SCOC: variants seen among roughly 807,000 people sequenced by gnomAD.
The protein encoded by SCOC is short coiled-coil protein, also known as short coiled coil protein.
SCOC carries 7 observed loss-of-function variants against 9.9 expected under a neutral mutation model. The ratio of observed to expected loss-of-function variants is 0.71; its 90% CI spans 0.40 to 1.33. The LOEUF (loss-of-function observed/expected upper bound fraction) is 1.33. Among genes scored for constraint, SCOC ranks in the 40% most tolerant of loss-of-function variants. The pLI is 0.01. For missense variants in SCOC, 66 were observed against 89.7 expected, an observed-to-expected ratio of 0.74 and a Z score of 1.07; for synonymous variants, 19 against 28.2, an observed-to-expected ratio of 0.67 and a Z score of 1.03.
At chr4:140,373,182 G>T (rs1343553385), upstream of SCOC, 1 of 684,658 alleles carries the variant, frequency 1.5e-6, no homozygotes, top group Non-Finnish European at 1.9e-6. Flanking sequence ...AAGGAACGAC[G>T]GTGTCGCGTT....
chr4:140,356,620 C>T (rs896493246), intron 2 of SCOC, among the ~76,000 whole-genome samples: 3 of 152,052 alleles, frequency 2.0e-5, no homozygotes, highest in Non-Finnish European at 4.4e-5. Flanking sequence ...CTGATGTTTC[C>T]TCATGATCAA....
chr4:140,377,557 A>AT (rs1431121885), intron 1 of SCOC, among the ~76,000 whole-genome samples: 1 of 152,126 alleles, frequency 6.6e-6, no homozygotes, highest in Non-Finnish European at 1.5e-5. Context: ...GATATTTCAT[A>AT]TTTTTTTCTA....
chr4:140,262,123 T>C (rs1172920976), intron 1 of SCOC, among the ~76,000 whole-genome samples: 1 of 152,244 alleles, frequency 6.6e-6, no homozygotes, highest in Non-Finnish European at 1.5e-5. Context: ...CTGCCTTTTC[T>C]TGGGTGATGG....
At chr4:140,363,340 G>C (rs1727654154) in intron 2 of SCOC, among the ~76,000 whole-genome samples, 1 of 152,138 alleles carries the variant, frequency 6.6e-6, no homozygotes, top group Non-Finnish European at 1.5e-5. Context: ...GAGTCCACTT[G>C]TATGCATTTT....
intron 1 of SCOC, among the ~76,000 whole-genome samples, chr4:140,333,998 G>T (rs1461179615): frequency 6.6e-6 from 1 of 152,056 alleles, no homozygotes; most frequent in Non-Finnish European, 1.5e-5. Context: ...GCTCACTGCA[G>T]CCTTGAACTC....
chr4:140,374,268 TTTTGGGAAGAAAGG>T (rs1299964180), intron 1 of SCOC: 7 of 424,914 alleles, frequency 1.6e-5, no homozygotes, highest in Non-Finnish European at 3.3e-5. Context: ...GCTGAACAAG[TTTTGGGAAGAAAGG>T]TTTGGAAAGG....
intron 1 of SCOC, among the ~76,000 whole-genome samples, chr4:140,310,923 T>C (rs980014278): frequency 1.3e-5 from 2 of 152,238 alleles, no homozygotes; most frequent in African/African-American, 4.8e-5. Flanking sequence ...ATGCAGATGA[T>C]GCAGCTGTTT....
chr4:140,373,988 CGT>C (rs1439309184), intron 1 of SCOC: 1 of 635,252 alleles, frequency 1.6e-6, no homozygotes. Context: ...ACGCAGACAT[CGT>C]GTAGCTTTCT....
chr4:140,314,807 C>T (rs1732263953), intron 1 of SCOC, among the ~76,000 whole-genome samples: 1 of 152,086 alleles, frequency 6.6e-6, no homozygotes, highest in Non-Finnish European at 1.5e-5. Flanking sequence ...AATGAGATGT[C>T]CAGGGCCAGG....
upstream of SCOC, among the ~76,000 whole-genome samples, chr4:140,371,515 T>A (rs1728053538): frequency 6.6e-6 from 1 of 152,192 alleles, no homozygotes; most frequent in South Asian, 2.1e-4. Flanking sequence ...TAACTTGTGT[T>A]TTCTATATCC....
rs191519718 is a variant in SCOC at position 140,271,892 on chromosome 4, G to A, written c.-19+14482G>A. On this transcript the variant is annotated intron_variant, in intron 1 of 4. Coordinates refer to the SCOC transcript ENST00000394205. Reference sequence around the variant, plus strand: ...GCACACTAGAGAGAGCAGAGGAGGCGTCTGTGCAGCCCAGCCTTGGAAAGG... The same window carrying A: ...GCACACTAGAGAGAGCAGAGGAGGCATCTGTGCAGCCCAGCCTTGGAAAGG... Among the ~76,000 whole-genome samples the A allele has an allele frequency of 1.3e-3, 193 of 152,196 alleles. 1 individual carries two copies. The highest frequency in any genetic ancestry group is 3.7e-3 in the African/African-American group (155 of 41,532).
At chr4:140,285,962 A>C (rs970760198) in intron 1 of SCOC, among the ~76,000 whole-genome samples, 1 of 152,120 alleles carries the variant, frequency 6.6e-6, no homozygotes, top group Non-Finnish European at 1.5e-5. Flanking sequence ...AGGCAGGTAC[A>C]TCACCTGAGG....
intron 1 of SCOC, among the ~76,000 whole-genome samples, chr4:140,375,001 T>C (rs1213880314): frequency 6.6e-6 from 1 of 152,202 alleles, no homozygotes; most frequent in Non-Finnish European, 1.5e-5. Flanking sequence ...GATGGTGAAA[T>C]CAATTTTAGA....
intron 1 of SCOC, among the ~76,000 whole-genome samples, chr4:140,288,808 G>A (rs1244174259): frequency 2.0e-5 from 3 of 151,844 alleles, no homozygotes; most frequent in East Asian, 1.9e-4. Flanking sequence ...CACAGTACAC[G>A]TAAATACCCA....
At chr4:140,330,512 G>A (rs1354258112) in intron 1 of SCOC, among the ~76,000 whole-genome samples, 3 of 152,152 alleles carry the variant, frequency 2.0e-5, no homozygotes, top group Admixed American at 1.3e-4. Context: ...ATCCACCAGA[G>A]GGAGCCAACA....
rs1158342003 is a variant in SCOC at position 140,381,710 on chromosome 4, TTTAA to T, written c.*613_*616del. ...GTTAAGATAGGAATGCTAGTGTCTCTTTAATTAATTGGAAATAGATGGAGGCTAA... is the reference window on the plus strand; with the variant it reads ...GTTAAGATAGGAATGCTAGTGTCTCTTTAATTGGAAATAGATGGAGGCTAA... On this transcript the variant is annotated 3_prime_UTR_variant, in exon 4 of 4. Coordinates refer to ENST00000608372, the MANE Select transcript of SCOC (RefSeq NM_001153484.2). The T allele has an allele frequency of 6.6e-6, 1 of 152,246 alleles. No individual in the cohort carries two copies. The highest frequency in any genetic ancestry group is 2.4e-5 in the African/African-American group (1 of 41,470). The allele number at this position is 152,246 out of a possible 1,614,324, so 9.4% of individuals were successfully genotyped here. A position where few individuals can be genotyped will look rare whatever the true frequency, so the allele number is the denominator to read the frequency against.
At chr4:140,374,622 C>T (rs115925886) in intron 1 of SCOC, among the ~76,000 whole-genome samples, 2,003 of 152,230 alleles carry the variant, frequency 0.013, 45 homozygotes, top group African/African-American at 0.046. Context: ...ATTGAAGTTC[C>T]GTAGCTTGAA....
intron 1 of SCOC, chr4:140,285,111 T>C: frequency 2.2e-6 from 1 of 450,478 alleles, no homozygotes; most frequent in Non-Finnish European, 4.5e-6. Flanking sequence ...GCTTAGAGAA[T>C]CGAGGCAAAC....
At chr4:140,349,685 A>C (rs1013693256) in intron 2 of SCOC, among the ~76,000 whole-genome samples, 10 of 152,130 alleles carry the variant, frequency 6.6e-5, no homozygotes, top group Admixed American at 3.9e-4. Context: ...CTGATCAATC[A>C]CCAATTCTTG....
Sources: gnomAD v4.1 joint callset for allele counts (sites outside exome capture counted in the v4.1 genomes callset) on GRCh38, gnomAD v4.1.1 for gene constraint, MANE v1.5 for transcripts, NCBI Gene and HGNC (gene_info 2026-07-23, HGNC 2026-07-21) for gene names.